The following SPECC1 variants were observed in gnomAD, a reference collection of about 807,000 sequenced individuals.
SPECC1 encodes sperm antigen with calponin homology and coiled-coil domains 1, also known as cytospin-B.
In SPECC1, 62 loss-of-function variants were observed where a neutral mutation model predicts 104.1. That is an observed-to-expected ratio of 0.60 (90% CI 0.49 to 0.74). The LOEUF (loss-of-function observed/expected upper bound fraction) is 0.74. Among genes scored for constraint, SPECC1 ranks in the 30% least tolerant of loss-of-function variants. SPECC1 has a pLI of 0.00. For synonymous variants in SPECC1, 513 were observed against 501.6 expected (o/e 1.02, Z -0.30); for missense variants, 1,306 against 1,310.5 (o/e 1.00, Z 0.05).
intron 1 of SPECC1, among the ~76,000 whole-genome samples, chr17:20,074,784 C>T (rs971550061): frequency 6.6e-6 from 1 of 152,120 alleles, no homozygotes; most frequent in African/African-American, 2.4e-5. Context: ...ACAGAGGAGC[C>T]CCCAAGGCAG....
At chr17:20,285,560 A>G (rs1347100762) in intron 12 of SPECC1, among the ~76,000 whole-genome samples, 2 of 152,168 alleles carry the variant, frequency 1.3e-5, no homozygotes, top group Non-Finnish European at 2.9e-5. Context: ...ATATCCTGGG[A>G]AAAGTTAATT....
intron 2 of SPECC1, among the ~76,000 whole-genome samples, chr17:20,108,885 T>C (rs1231537476): frequency 6.6e-6 from 1 of 152,222 alleles, no homozygotes; most frequent in African/African-American, 2.4e-5. Flanking sequence ...ACTTACTGCC[T>C]TTCAGCAAAT....
At chr17:20,095,431 G>T (rs1446013585) in intron 1 of SPECC1, among the ~76,000 whole-genome samples, 2 of 152,204 alleles carry the variant, frequency 1.3e-5, no homozygotes, top group East Asian at 3.8e-4. Context: ...CATCAGCTCT[G>T]CAGCGTGAGC....
chr17:20,296,816 CTCTG>C (rs144910117), intron 12 of SPECC1, 141 bp from the exon 13 acceptor site: 41,833 of 677,940 alleles, frequency 0.062, 1,525 homozygotes, highest in Non-Finnish European at 0.078. Context: ...GAATTCGGCT[CTCTG>C]TCTGTTATTG....
At chr17:20,273,801 T>C (rs1307926719) in intron 12 of SPECC1, among the ~76,000 whole-genome samples, 1 of 152,222 alleles carries the variant, frequency 6.6e-6, no homozygotes, top group African/African-American at 2.4e-5. Context: ...CGGTCTGTTA[T>C]GTTAGTTATC....
intron 12 of SPECC1, among the ~76,000 whole-genome samples, chr17:20,284,060 C>G (rs569261124): frequency 1.3e-5 from 2 of 152,024 alleles, no homozygotes; most frequent in Non-Finnish European, 2.9e-5. Context: ...GATTATAAGC[C>G]TATTCTTCTA....
At chr17:20,238,480 T>G in intron 7 of SPECC1, 2 of 1,042,242 alleles carry the variant, frequency 1.9e-6, no homozygotes, top group Non-Finnish European at 2.3e-6. Context: ...ATCCAAAGGA[T>G]GAGACAAGAC....
intron 2 of SPECC1, among the ~76,000 whole-genome samples, chr17:20,099,290 A>T (rs1002854693): frequency 6.6e-6 from 1 of 152,134 alleles, no homozygotes; most frequent in African/African-American, 2.4e-5. Flanking sequence ...ATATCCAATA[A>T]GCAACATATA....
At chr17:20,109,198 A>T (rs536887909) in intron 2 of SPECC1, among the ~76,000 whole-genome samples, 2 of 152,262 alleles carry the variant, frequency 1.3e-5, no homozygotes, top group Non-Finnish European at 2.9e-5. Flanking sequence ...TCTAACTCTC[A>T]GTAAATGACC....
At chr17:20,057,246 C>A (rs992544803) in intron 1 of SPECC1, among the ~76,000 whole-genome samples, 5 of 152,090 alleles carry the variant, frequency 3.3e-5, no homozygotes, top group Non-Finnish European at 7.4e-5. Flanking sequence ...TCAAGACCAT[C>A]CTGGCTAACA....
chr17:20,015,112 C>T (rs187216200), intron 1 of SPECC1, among the ~76,000 whole-genome samples: 5 of 152,168 alleles, frequency 3.3e-5, no homozygotes, highest in East Asian at 1.9e-4. Context: ...TTTGGTAGTC[C>T]GTTTCATTCT....
chr17:20,022,832 T>G (rs2044447406), intron 1 of SPECC1, among the ~76,000 whole-genome samples: 1 of 152,188 alleles, frequency 6.6e-6, no homozygotes, highest in Non-Finnish European at 1.5e-5. Context: ...CCAAGATTGC[T>G]TGGACATGGT....
chr17:20,128,793 T>C (rs958669495), intron 3 of SPECC1, among the ~76,000 whole-genome samples: 8 of 152,186 alleles, frequency 5.3e-5, no homozygotes, highest in African/African-American at 1.7e-4. Context: ...TTAAAAAAAT[T>C]AATGATATTC....
At chr17:20,287,026 A>AGCCTCCCCT (rs963013829) in intron 12 of SPECC1, among the ~76,000 whole-genome samples, 20 of 152,376 alleles carry the variant, frequency 1.3e-4, no homozygotes, top group African/African-American at 2.6e-4. Context: ...TGCCGTCAGC[A>AGCCTCCCCT]GCCTCCCCTG....
At chr17:20,239,120 A>T in intron 7 of SPECC1, 1 of 1,017,714 alleles carries the variant, frequency 9.8e-7, no homozygotes, top group Non-Finnish European at 1.2e-6. Context: ...CTAATTTTGC[A>T]TAAATTTTTA....
chr17:20,114,735 A>G (rs1421706329), intron 3 of SPECC1, among the ~76,000 whole-genome samples: 2 of 152,164 alleles, frequency 1.3e-5, no homozygotes, highest in East Asian at 3.9e-4. Flanking sequence ...CATCTTTAGT[A>G]TTTATGTAGT....
At chr17:20,166,032 T>G (rs1000799402) in intron 3 of SPECC1, among the ~76,000 whole-genome samples, 10 of 152,242 alleles carry the variant, frequency 6.6e-5, no homozygotes, top group Non-Finnish European at 1.3e-4. Flanking sequence ...TGTGATTTAA[T>G]TGTGGATATC....
intron 7 of SPECC1, chr17:20,238,403 A>G (rs1376467605): frequency 9.6e-7 from 1 of 1,041,276 alleles, no homozygotes; most frequent in Non-Finnish European, 1.2e-6. Context: ...TCAGGCAGAA[A>G]CCTTCTGCAA....
At chr17:20,084,922 G>T (rs947360853) in intron 1 of SPECC1, among the ~76,000 whole-genome samples, 11 of 152,240 alleles carry the variant, frequency 7.2e-5, no homozygotes, top group African/African-American at 2.7e-4. Flanking sequence ...TCTGGTGTAA[G>T]GCCTGCTGAT....
Sources: gnomAD v4.1 joint callset for allele counts (sites outside exome capture counted in the v4.1 genomes callset) on GRCh38, gnomAD v4.1.1 for gene constraint, MANE v1.5 for transcripts, NCBI Gene and HGNC (gene_info 2026-07-23, HGNC 2026-07-21) for gene names.